Variants in CPNE8 observed in about 807,000 individuals in gnomAD.
CPNE8 encodes copine 8, also known as copine-8.
In CPNE8, 45 loss-of-function variants were observed where a neutral mutation model predicts 81.5. The observed-to-expected ratio is 0.55, with a 90% CI of 0.44 to 0.71. The LOEUF (loss-of-function observed/expected upper bound fraction) is 0.71. CPNE8 is among the 30% of genes least tolerant of loss of function. CPNE8 has a pLI of 0.00. For synonymous variants in CPNE8, 252 were observed against 226.3 expected (o/e 1.11, Z -1.02); for missense variants, 594 against 672.1 (o/e 0.88, Z 1.28).
chr12:38,904,630 G>C (rs1446248910), intron 1 of CPNE8, among the ~76,000 whole-genome samples: 1 of 151,872 alleles, frequency 6.6e-6, no homozygotes, highest in Non-Finnish European at 1.5e-5. Flanking sequence ...CACCACGTCC[G>C]GCTAATTTTT....
intron 3 of CPNE8, among the ~76,000 whole-genome samples, chr12:38,853,217 T>A (rs781083933): frequency 1.1e-4 from 17 of 152,162 alleles, no homozygotes; most frequent in Non-Finnish European, 2.2e-4. Flanking sequence ...ACTAAATAAA[T>A]AATTGCTAAT....
At chr12:38,692,944 A>C (rs1276115899) in intron 15 of CPNE8, among the ~76,000 whole-genome samples, 1 of 152,132 alleles carries the variant, frequency 6.6e-6, no homozygotes, top group East Asian at 1.9e-4. Flanking sequence ...AGACTTTTAG[A>C]TTACTCACCC....
At chr12:38,794,513 C>T (rs112099146) in intron 6 of CPNE8, among the ~76,000 whole-genome samples, 358 of 151,970 alleles carry the variant, frequency 2.4e-3, no homozygotes, top group Non-Finnish European at 3.9e-3. Flanking sequence ...AAGCATTTTT[C>T]CAAAAGTGAT....
At chr12:38,730,573 A>G (rs1348211623) in intron 10 of CPNE8, among the ~76,000 whole-genome samples, 1 of 151,770 alleles carries the variant, frequency 6.6e-6, no homozygotes, top group East Asian at 1.9e-4. Context: ...ATTAATATTC[A>G]AATGTTTAAT....
chr12:38,665,423 A>T (rs1179348036), intron 19 of CPNE8, among the ~76,000 whole-genome samples: 1 of 152,174 alleles, frequency 6.6e-6, no homozygotes, highest in East Asian at 1.9e-4. Flanking sequence ...TTGTTACTCT[A>T]CATCTTTTTT....
chr12:38,681,568 T>A (rs963891965), intron 16 of CPNE8, among the ~76,000 whole-genome samples: 1 of 152,146 alleles, frequency 6.6e-6, no homozygotes, highest in Non-Finnish European at 1.5e-5. Context: ...AATCAAAGAT[T>A]ATAGATATGG....
chr12:38,706,830 T>C (rs1033997021), intron 13 of CPNE8, among the ~76,000 whole-genome samples: 6 of 152,200 alleles, frequency 3.9e-5, no homozygotes, highest in African/African-American at 7.2e-5. Context: ...TGACTGTTTC[T>C]AACTTGTTCT....
intron 1 of CPNE8, 27 bp from the exon 2 acceptor site, chr12:38,874,538 C>T: frequency 6.4e-7 from 1 of 1,568,438 alleles, no homozygotes; most frequent in South Asian, 1.1e-5. Flanking sequence ...AAAATGTTAG[C>T]TGGATATAAA....
chr12:38,763,017 C>A (rs1941603553), intron 8 of CPNE8, among the ~76,000 whole-genome samples: 1 of 152,162 alleles, frequency 6.6e-6, no homozygotes, highest in South Asian at 2.1e-4. Context: ...TGCCACTGCA[C>A]CCAACTAATT....
chr12:38,659,467 C>T (rs1428033959), intron 19 of CPNE8, among the ~76,000 whole-genome samples: 1 of 152,128 alleles, frequency 6.6e-6, no homozygotes, highest in African/African-American at 2.4e-5. Flanking sequence ...TTTAACACCC[C>T]ACTGTCAATA....
rs371344295 is a variant in CPNE8 at position 38,724,928 on chromosome 12, G to A, written c.799-29C>T. On this transcript the variant is annotated intron_variant, in intron 11 of 19. Coordinates refer to ENST00000331366, the MANE Select transcript of CPNE8 (RefSeq NM_153634.3). ...AAAAAGCAGATAAAACAATTAAAAT[G>A]TGTTAGGTTTTATACCGAAGTTTTA... is the stretch of plus-strand genomic sequence containing the variant. The A allele has an allele frequency of 1.7e-5, 26 of 1,507,528 alleles. No homozygotes were observed. The African/African-American group carries it at 2.4e-4, about 14-fold the overall frequency. 93.4% of individuals were successfully genotyped at this position (1,507,528 alleles called of 1,614,324 possible). A position where few individuals can be genotyped will look rare whatever the true frequency, so the allele number is the denominator to read the frequency against.
Position 38,902,419 on chromosome 12 carries a change from A to AAAGAAAG in CPNE8, c.98+3017_98+3018insCTTTCTT, listed in dbSNP as rs1565670435. Among the ~76,000 whole-genome samples the AAAGAAAG allele has an allele frequency of 1.9e-3, 193 of 99,328 alleles. 8 individuals are homozygous for AAAGAAAG. Among genetic ancestry groups the AAAGAAAG allele is most frequent in the South Asian group, 5.3e-3 (18 of 3,368 alleles). The allele number at this position is 99,328 out of a possible 152,430, so 65.2% of individuals were successfully genotyped here. The stretch of plus-strand genomic sequence containing the variant: ...AGAAAGAAAGAAAGAAAGAAAGAAA[A>AAAGAAAG]AGAAAGAAAGAAAGAAAGGAGAGAG... On this transcript the variant is annotated intron_variant, in intron 1 of 19. Coordinates refer to ENST00000331366, the MANE Select transcript of CPNE8 (RefSeq NM_153634.3).
At chr12:38,772,399 A>C (rs1364901506) in intron 7 of CPNE8, among the ~76,000 whole-genome samples, 1 of 152,204 alleles carries the variant, frequency 6.6e-6, no homozygotes, top group Non-Finnish European at 1.5e-5. Context: ...AAAATACTGC[A>C]AAAACTAAAA....
In CPNE8 at chr12:38,798,611, C is replaced by T. The variant is rs192210052; in HGVS notation, c.408-22310G>A. Among the ~76,000 whole-genome samples, 1,305 of 152,056 alleles carry T rather than the reference C, an allele frequency of 8.6e-3. 20 individuals carry two copies. The highest frequency in any genetic ancestry group is 0.037 in the Middle Eastern group (11 of 294). On this transcript the variant is annotated intron_variant, in intron 6 of 19. Coordinates refer to ENST00000331366, the MANE Select transcript of CPNE8 (RefSeq NM_153634.3). ...GCAAAAACATGCCAAATTGTAAAGA[C>T]CATCGAGACTAGGAAGAAACTGCAT... is the stretch of plus-strand genomic sequence containing the variant.
At chr12:38,884,868 C>A (rs1365831116) in intron 1 of CPNE8, among the ~76,000 whole-genome samples, 1 of 152,070 alleles carries the variant, frequency 6.6e-6, no homozygotes, top group African/African-American at 2.4e-5. Flanking sequence ...GTAGCCACTT[C>A]CAGAGCATGA....
chr12:38,744,922 C>T (rs4343061), intron 10 of CPNE8, among the ~76,000 whole-genome samples: 2 of 152,166 alleles, frequency 1.3e-5, no homozygotes, highest in Non-Finnish European at 2.9e-5. Flanking sequence ...CATTACTCTC[C>T]TAATGACCTC....
intron 3 of CPNE8, among the ~76,000 whole-genome samples, chr12:38,849,318 T>A (rs1943605983): frequency 6.6e-6 from 1 of 152,194 alleles, no homozygotes; most frequent in Non-Finnish European, 1.5e-5. Flanking sequence ...TCCTCCCTCC[T>A]TTCAATGTGA....
chr12:38,674,236 G>A (rs1182356804), intron 18 of CPNE8, among the ~76,000 whole-genome samples: 1 of 152,092 alleles, frequency 6.6e-6, no homozygotes, highest in Non-Finnish European at 1.5e-5. Flanking sequence ...TATATGCCAG[G>A]AAGGGTCAGT....
chr12:38,679,521 G>A, intron 16 of CPNE8: 2 of 883,856 alleles, frequency 2.3e-6, no homozygotes, highest in Non-Finnish European at 2.7e-6. Context: ...AAAGTTGCAT[G>A]AGTTTATTGT....
Sources: allele counts gnomAD v4.1 joint callset (sites outside exome capture counted in the v4.1 genomes callset), GRCh38; gene constraint gnomAD v4.1.1; transcripts MANE v1.5; gene names NCBI Gene and HGNC (gene_info 2026-07-23, HGNC 2026-07-21).